Variants in KMT2B observed in about 807,000 individuals in gnomAD.
KMT2B encodes lysine methyltransferase 2B.
In KMT2B, 22 loss-of-function variants were observed where a neutral mutation model predicts 255.3. The ratio of observed to expected loss-of-function variants is 0.09; its 90% CI spans 0.06 to 0.12. The LOEUF (loss-of-function observed/expected upper bound fraction) is 0.12, where lower values mean the gene tolerates loss of function less well. KMT2B is among the 10% of genes least tolerant of loss of function. The pLI, the probability that KMT2B is intolerant of heterozygous loss-of-function variation, is 1.00. For synonymous variants in KMT2B, 1,730 were observed against 1,498.1 expected (o/e 1.15, Z -3.57); for missense variants, 3,149 against 3,737.0 (o/e 0.84, Z 4.10).
Position 35,728,900 on chromosome 19 carries a change from G to A in KMT2B, c.4687+11G>A, listed in dbSNP as rs1212591593. On this transcript the variant is annotated intron_variant, in intron 20 of 36. Transcript: ENST00000420124. ...GGGATCCCTCAGCAGGTACTGGGAA[G>A]TGGGGGTCCAGAAGCCAGGGCCCTG... 6.8e-6 allele frequency: 11 copies of A among 1,613,208 alleles called. No homozygotes were observed. Among genetic ancestry groups the A allele is most frequent in the Non-Finnish European group, 9.3e-6 (11 of 1,179,170 alleles).
chr19:35,721,262 A>G lies in KMT2B; in HGVS notation c.1915A>G (p.Thr639Ala), dbSNP rs747737343. 7.9e-6 allele frequency: 8 copies of G among 1,007,870 alleles called. No homozygotes were observed. In the South Asian group the frequency reaches 1.6e-4, roughly 20 times the overall value. 62.4% of individuals were successfully genotyped at this position (1,007,870 alleles called of 1,614,324 possible). A position where few individuals can be genotyped will look rare whatever the true frequency, so the allele number is the denominator to read the frequency against. Residue 639 changes from threonine to alanine, a missense_variant, in exon 3 of 37, where the codon ACC becomes GCC. This residue lies in a region of KMT2B where 1,188 missense variants were observed against 1,106.4 expected (regional missense o/e 1.07). Coordinates refer to ENST00000420124, the MANE Select transcript of KMT2B (RefSeq NM_014727.3). ...CCCCTCCCCACCCCCTGCTCCTGCC[A>G]CCTCCTCCCGGAGGCCCCTACTCCT... ...PAPSPPPAPA[T>A]SSRRPLLLRA...
At position 35,718,429 on chromosome 19, in the gene KMT2B, G is replaced by T; in HGVS notation, c.363+48G>T. 1 of 1,227,336 alleles carries T rather than the reference G, an allele frequency of 8.1e-7. No homozygotes were observed. Among genetic ancestry groups the T allele is most frequent in the East Asian group, 3.3e-5 (1 of 30,716 alleles). The allele number at this position is 1,227,336 out of a possible 1,614,324, so 76.0% of individuals were successfully genotyped here. A position where few individuals can be genotyped will look rare whatever the true frequency, so the allele number is the denominator to read the frequency against. ...CGGCGCCGGGTGGGGCGGAGGCCGGGGCTTCCAGGGGTCTGGGTTGTCCCG... is the reference window on the plus strand; with the variant it reads ...CGGCGCCGGGTGGGGCGGAGGCCGGTGCTTCCAGGGGTCTGGGTTGTCCCG... On this transcript the variant is annotated intron_variant, in intron 1 of 36. Coordinates refer to ENST00000420124, the MANE Select transcript of KMT2B (RefSeq NM_014727.3). The surrounding 1 kb of genome is among the most constrained non-coding windows in gnomAD (Gnocchi z 5.0).
Position 35,723,362 on chromosome 19 carries a change from G to C in KMT2B, c.3003-85G>C. 6.5e-7 allele frequency: 1 copy of C among 1,548,918 alleles called. No homozygotes were observed. On this transcript the variant is annotated intron_variant, in intron 6 of 36. Transcript: ENST00000420124. The surrounding 1 kb of genome is among the most constrained non-coding windows in gnomAD (Gnocchi z 7.5). The stretch of plus-strand genomic sequence containing the variant: ...TCCTCTTCTGCCTGGCCAGAGCAGT[G>C]GGGTTGGCATTCTTGTGGAGAGCTT...
Position 35,733,255 on chromosome 19 carries a change from C to T in KMT2B, c.6706C>T (p.Pro2236Ser), listed in dbSNP as rs986786657. 1 of 1,490,196 alleles carries T rather than the reference C, an allele frequency of 6.7e-7. No individual in the cohort carries two copies. The highest frequency in any genetic ancestry group is 1.2e-5 in the South Asian group (1 of 81,410). The allele number at this position is 1,490,196 out of a possible 1,614,324, so 92.3% of individuals were successfully genotyped here. The change falls in exon 28 of 37, where the codon CCA (proline) becomes TCA (serine). Residue 2236 changes from proline to serine, a missense_variant. Physicochemically the swap from Pro to Ser is moderately conservative, Grantham distance 74 (BLOSUM62 -1). This residue lies in a region of KMT2B where 897 missense variants were observed against 825.3 expected (regional missense o/e 1.09). Coordinates refer to ENST00000420124, the MANE Select transcript of KMT2B (RefSeq NM_014727.3). This position sits in a 1 kb window ranked among gnomAD's most constrained non-coding sequence, Gnocchi z 4.3. ...PTAPTSWTLP[P>S]GPLLGVLPVV... The stretch of plus-strand genomic sequence containing the variant: ...GGCTCCCACCTCCTGGACTCTGCCC[C>T]CAGGCCCCCTCCTCGGCGTGCTGCC...
rs749995718 is a variant in KMT2B, at chr19:35,727,801, C to G, written c.4392+14C>G. 2 of 1,613,566 alleles carry G rather than the reference C, an allele frequency of 1.2e-6. No homozygotes were observed. Among genetic ancestry groups the G allele is most frequent in the Non-Finnish European group, 1.7e-6 (2 of 1,179,724 alleles). The stretch of plus-strand genomic sequence containing the variant: ...TACAAGTCTGTGGTGAGTGGTACAC[C>G]AGGAGGAGCAGGTGGGTGGCAGGAG... On this transcript the variant is annotated intron_variant, in intron 17 of 36. Coordinates refer to ENST00000420124, the MANE Select transcript of KMT2B (RefSeq NM_014727.3). The surrounding 1 kb of genome is among the most constrained non-coding windows in gnomAD (Gnocchi z 4.2).
In KMT2B at chr19:35,722,391, C is replaced by T. The variant is rs377430041; in HGVS notation, c.2490C>T (p.Ala830=). The change falls in exon 4 of 37, where the codon GCC becomes GCT. Residue 830 remains alanine (A), a synonymous_variant. Transcript: ENST00000420124. ...LSPGGQMEEV[A]GAVKQISDRG... Reference sequence around the variant, plus strand: ...CTGGAGGGCAGATGGAGGAGGTGGCCGGGGCTGTCAAGCAGATCTCCGACA... The same window carrying T: ...CTGGAGGGCAGATGGAGGAGGTGGCTGGGGCTGTCAAGCAGATCTCCGACA... The T allele has an allele frequency of 4.2e-4, 684 of 1,610,684 alleles. 1 individual carries two copies. The highest frequency in any genetic ancestry group is 5.4e-4 in the Non-Finnish European group (639 of 1,179,724).
At chr19:35,728,917 AG>A (rs1969575252) in intron 20 of KMT2B, 28 bp downstream of exon 20, 1 of 1,611,238 alleles carries the variant, frequency 6.2e-7, no homozygotes, top group Admixed American at 1.7e-5. Flanking sequence ...TCCAGAAGCC[AG>A]GGCCCTGTGT....
chr19:35,720,572 C>T lies in KMT2B; in HGVS notation c.1225C>T (p.Pro409Ser). The T allele has an allele frequency of 6.5e-7, 1 of 1,539,070 alleles. No individual in the cohort carries two copies. Among genetic ancestry groups the T allele is most frequent in the Non-Finnish European group, 8.8e-7 (1 of 1,141,164 alleles). Residue 409 changes from proline to serine, a missense_variant, in exon 3 of 37, where the codon CCA (proline) becomes TCA (serine). This residue lies in a region of KMT2B where 1,188 missense variants were observed against 1,106.4 expected (regional missense o/e 1.07). Coordinates refer to ENST00000420124, the MANE Select transcript of KMT2B (RefSeq NM_014727.3). The stretch of plus-strand genomic sequence containing the variant: ...GCTGCCACCACCGCCTCTGACTCCT[C>T]CAGCCCCTTCACCTCCTCCACCCCT... ...AKLPPPPLTP[P>S]APSPPPPLPP...
Position 35,733,593 on chromosome 19 carries a change from C to A in KMT2B, c.6960-4C>A. 6.4e-7 allele frequency: 1 copy of A among 1,572,072 alleles called. No individual in the cohort carries two copies. The highest frequency in any genetic ancestry group is 2.4e-5 in the East Asian group (1 of 42,426). On this transcript the variant is annotated splice_region_variant and splice_polypyrimidine_tract_variant and intron_variant, in intron 28 of 36. Coordinates refer to ENST00000420124, the MANE Select transcript of KMT2B (RefSeq NM_014727.3). The surrounding 1 kb of genome is among the most constrained non-coding windows in gnomAD (Gnocchi z 4.3). ...GCTCATCCTTCTCGGGCTCGCCCTCCCAGGTTTAGCCGTGTGAGGATGAAA... is the reference window on the plus strand; with the variant it reads ...GCTCATCCTTCTCGGGCTCGCCCTCACAGGTTTAGCCGTGTGAGGATGAAA...
At position 35,720,330 on chromosome 19, in the gene KMT2B, G is replaced by A. The variant is rs1274458817; in HGVS notation, c.983G>A (p.Gly328Asp). The change falls in exon 3 of 37, where the codon GGT becomes GAT. Residue 328 changes from glycine to aspartate, a missense_variant. Physicochemically the swap from Gly to Asp is moderately conservative, Grantham distance 94. This residue lies in a region of KMT2B where 1,188 missense variants were observed against 1,106.4 expected (regional missense o/e 1.07). Transcript: ENST00000420124. ...QLSLGLESGQ[G>D]QGQHEESWQD... ...TCCTTGGGACTCGAATCAGGTCAAG[G>A]TCAAGGTCAACATGAGGAAAGTTGG... The A allele has an allele frequency of 1.9e-6, 3 of 1,612,348 alleles. No homozygotes were observed. The highest frequency in any genetic ancestry group is 1.7e-6 in the Non-Finnish European group (2 of 1,179,258).
At chr19:35,728,729 C>A in intron 19 of KMT2B, 45 bp from the exon 20 acceptor site, 1 of 1,489,640 alleles carries the variant, frequency 6.7e-7, no homozygotes, top group Non-Finnish European at 9.3e-7. Flanking sequence ...CCCCGTTCAG[C>A]TGCCCTTGTT....
Position 35,720,283 on chromosome 19 carries a change from A to G in KMT2B, c.936A>G (p.Lys312=). The stretch of plus-strand genomic sequence containing the variant: ...TGATCAAGTTTGTTTCAAGGGCCAA[A>G]AAAGTAAAGATGGGACAATTGTCCT... The part of the protein sequence containing the change: ...PFVIKFVSRA[K]KVKMGQLSLG... Residue 312 remains lysine (K), a synonymous_variant, in exon 3 of 37, where the codon AAA becomes AAG. Coordinates refer to ENST00000420124, the MANE Select transcript of KMT2B (RefSeq NM_014727.3). The G allele has an allele frequency of 6.2e-7, 1 of 1,613,358 alleles. No homozygotes were observed. Among genetic ancestry groups the G allele is most frequent in the Non-Finnish European group, 8.5e-7 (1 of 1,179,756 alleles).
chr19:35,736,047 C>T (rs1369937015), intron 30 of KMT2B: 1 of 152,722 alleles, frequency 6.5e-6, no homozygotes, highest in African/African-American at 2.4e-5. Context: ...GGCGGATCAC[C>T]TGAGGTCAGC....
Position 35,722,578 on chromosome 19 carries a change from C to G in KMT2B, c.2582C>G (p.Ser861Cys), listed in dbSNP as rs1272430540. Reference sequence around the variant, plus strand: ...CGATTTCTCCCCCAGGGTCCCGAGTCCCCTGTGCAAGGTCCCCGCATCAAA... The same window carrying G: ...CGATTTCTCCCCCAGGGTCCCGAGTGCCCTGTGCAAGGTCCCCGCATCAAA... Reference protein sequence around the residue: ...AKRERPSGPESPVQGPRIKHV... With the variant: ...AKRERPSGPECPVQGPRIKHV... The change falls in exon 5 of 37, where the codon TCC (serine) becomes TGC (cysteine). Residue 861 changes from serine to cysteine, a missense_variant. Physicochemically the swap from Ser to Cys is moderately radical, Grantham distance 112. Coordinates refer to ENST00000420124, the MANE Select transcript of KMT2B (RefSeq NM_014727.3). 1.9e-6 allele frequency: 3 copies of G among 1,607,052 alleles called. No homozygotes were observed. Among genetic ancestry groups the G allele is most frequent in the Non-Finnish European group, 2.5e-6 (3 of 1,177,236 alleles).
rs776290193 is a variant in KMT2B, at chr19:35,733,614, T to G, written c.6977T>G (p.Met2326Arg). The G allele has an allele frequency of 6.3e-7, 1 of 1,586,326 alleles. No homozygotes were observed. Among genetic ancestry groups the G allele is most frequent in the Non-Finnish European group, 8.6e-7 (1 of 1,166,696 alleles). ...CCTCCCAGGTTTAGCCGTGTGAGGA[T>G]GAAAACCCCCACAGTGCGTGGGGTC... is the stretch of plus-strand genomic sequence containing the variant. Reference protein sequence around the residue: ...LGSGGFSRVRMKTPTVRGVLD... With the variant: ...LGSGGFSRVRRKTPTVRGVLD... Residue 2326 changes from methionine to arginine, a missense_variant, in exon 29 of 37, where the codon ATG becomes AGG. Transcript: ENST00000420124. This position sits in a 1 kb window ranked among gnomAD's most constrained non-coding sequence, Gnocchi z 4.3.
In KMT2B at chr19:35,721,024, C is replaced by G. The variant is rs1405566400; in HGVS notation, c.1677C>G (p.Val559=). 1 of 1,607,766 alleles carries G rather than the reference C, an allele frequency of 6.2e-7. No homozygotes were observed. The highest frequency in any genetic ancestry group is 8.5e-7 in the Non-Finnish European group (1 of 1,177,988). The change falls in exon 3 of 37, where the codon GTC becomes GTG. Residue 559 remains valine (V), a synonymous_variant. Coordinates refer to ENST00000420124, the MANE Select transcript of KMT2B (RefSeq NM_014727.3). The part of the protein sequence containing the change: ...EDPPKPPKVE[V]SPVLRPPITT... The stretch of plus-strand genomic sequence containing the variant: ...CCCCCAAACCCCCAAAGGTGGAGGT[C>G]TCACCTGTCCTGCGACCTCCCATTA...
chr19:35,720,427 G>A lies in KMT2B; in HGVS notation c.1080G>A (p.Lys360=). The A allele has an allele frequency of 6.4e-7, 1 of 1,558,792 alleles. No homozygotes were observed. Among genetic ancestry groups the A allele is most frequent in the East Asian group, 2.4e-5 (1 of 41,624 alleles). ...CTTGCTGGAAAAAGCAGGAACAGAA[G>A]CTGGATGACGAGGAAGAAGAGAAGA... ...GSPCWKKQEQ[K]LDDEEEEKKE... Residue 360 remains lysine, a synonymous_variant, in exon 3 of 37, where the codon AAG becomes AAA. Coordinates refer to ENST00000420124, the MANE Select transcript of KMT2B (RefSeq NM_014727.3).
Position 35,719,509 on chromosome 19 carries a change from G to T in KMT2B, c.404G>T (p.Ser135Ile). Residue 135 changes from serine to isoleucine, a missense_variant, in exon 2 of 37, where the codon AGT (serine) becomes ATT (isoleucine). Ser to Ile is a moderately radical substitution (Grantham distance 142, BLOSUM62 -2). This residue lies in a region of KMT2B where 1,188 missense variants were observed against 1,106.4 expected (regional missense o/e 1.07). Transcript: ENST00000420124. ...CATTCAGATGAAGATGTGGCCCCCA[G>T]TTCCCTGCGCTCTGCGCTCCGATCC... ...GFHSDEDVAPSSLRSALRSQR... is the reference protein window; with the variant it reads ...GFHSDEDVAPISLRSALRSQR... The T allele has an allele frequency of 6.3e-7, 1 of 1,592,424 alleles. No individual in the cohort carries two copies. Among genetic ancestry groups the T allele is most frequent in the East Asian group, 2.3e-5 (1 of 43,674 alleles).
In KMT2B at chr19:35,738,784, G is replaced by A. The variant is rs576920722; in HGVS notation, c.*227G>A. The A allele has an allele frequency of 1.4e-5, 8 of 577,688 alleles. No individual in the cohort carries two copies. In the Middle Eastern group the frequency reaches 1.4e-3, roughly 98 times the overall value. The allele number at this position is 577,688 out of a possible 1,614,324, so 35.8% of individuals were successfully genotyped here. On this transcript the variant is annotated 3_prime_UTR_variant, in exon 37 of 37. Transcript: ENST00000420124. The surrounding 1 kb of genome is among the most constrained non-coding windows in gnomAD (Gnocchi z 8.7). ...GCCCAGGATGTAGATATTGTACAAA[G>A]GTTTCTAAATCCCTTCTTTTCTATG... is the stretch of plus-strand genomic sequence containing the variant.
Sources: allele counts gnomAD v4.1 joint callset, GRCh38; gene constraint gnomAD v4.1.1; regional missense constraint gnomAD v4.1.1; non-coding constraint Gnocchi (gnomAD v3.1); transcripts MANE v1.5; gene names NCBI Gene and HGNC (gene_info 2026-07-23, HGNC 2026-07-21).